The following CUL3 variants were observed in gnomAD, a reference collection of about 807,000 sequenced individuals.
CUL3 encodes cullin-3.
In CUL3, 19 loss-of-function variants were observed where a neutral mutation model predicts 89.1. The observed-to-expected ratio is 0.21, with a 90% CI of 0.15 to 0.31. The LOEUF (loss-of-function observed/expected upper bound fraction) is 0.31. Ranked by LOEUF, CUL3 falls within the 10% of genes least tolerant of loss-of-function variation. The probability of loss-of-function intolerance (pLI) is 1.00; values close to 1 mark genes in which losing one functional copy is unlikely to be tolerated. For missense variants in CUL3, 469 were observed against 942.3 expected, an observed-to-expected ratio of 0.50 and a Z score of 6.58; for synonymous variants, 351 against 308.4, an observed-to-expected ratio of 1.14 and a Z score of -1.45.
chr2:224,505,143 T>G (rs973534904), intron 8 of CUL3, among the ~76,000 whole-genome samples: 2 of 151,666 alleles, frequency 1.3e-5, no homozygotes, highest in African/African-American at 4.8e-5. Context: ...GTTCAGTTTT[T>G]TTTTTTTTTT....
At chr2:224,474,632 G>C in intron 15 of CUL3, 1 of 367,296 alleles carries the variant, frequency 2.7e-6, no homozygotes, top group East Asian at 4.8e-5. Context: ...ACAGTAGTGT[G>C]AGCATATGCC....
At chr2:224,497,592 A>G (rs370445178) in intron 12 of CUL3, among the ~76,000 whole-genome samples, 161 bp downstream of exon 12, 1 of 152,198 alleles carries the variant, frequency 6.6e-6, no homozygotes, top group South Asian at 2.1e-4. Context: ...CAACTGAGAG[A>G]ACAGAAGTAA....
intron 15 of CUL3, among the ~76,000 whole-genome samples, chr2:224,477,653 A>G (rs1056043318): frequency 6.6e-6 from 1 of 151,984 alleles, no homozygotes; most frequent in African/African-American, 2.4e-5. Context: ...ACCTCTATCT[A>G]CTCATTCAAG....
At chr2:224,526,264 G>A (rs1693468983) in intron 3 of CUL3, among the ~76,000 whole-genome samples, 1 of 152,206 alleles carries the variant, frequency 6.6e-6, no homozygotes, top group South Asian at 2.1e-4. Flanking sequence ...ATGTATACAA[G>A]TTCATTCCCT....
chr2:224,483,042 AG>A, intron 13 of CUL3, among the ~76,000 whole-genome samples: 1 of 152,216 alleles, frequency 6.6e-6, no homozygotes, highest in Non-Finnish European at 1.5e-5. Flanking sequence ...ACTGTCAGGT[AG>A]GCAAGGATTC....
chr2:224,521,302 C>T (rs184404635), intron 3 of CUL3, among the ~76,000 whole-genome samples: 294 of 152,278 alleles, frequency 1.9e-3, no homozygotes, highest in African/African-American at 6.5e-3. Flanking sequence ...AATTCTAAAA[C>T]TAACCTTTGG....
intron 15 of CUL3, among the ~76,000 whole-genome samples, chr2:224,477,869 GC>G (rs1691381504): frequency 6.6e-6 from 1 of 152,198 alleles, no homozygotes. Flanking sequence ...TAAAATGAAA[GC>G]ATTTAATGAA....
At chr2:224,565,169 AAC>A (rs771458574) in intron 1 of CUL3, among the ~76,000 whole-genome samples, 9 of 152,200 alleles carry the variant, frequency 5.9e-5, no homozygotes, top group Non-Finnish European at 1.3e-4. Context: ...CAATAACATA[AAC>A]AGTCTATTAA....
At chr2:224,493,227 A>C (rs2106174035) in intron 13 of CUL3, among the ~76,000 whole-genome samples, 1 of 152,330 alleles carries the variant, frequency 6.6e-6, no homozygotes, top group South Asian at 2.1e-4. Context: ...ACAATACACC[A>C]TCTTACTGAA....
chr2:224,561,937 A>T (rs1231553783), intron 1 of CUL3, among the ~76,000 whole-genome samples: 1 of 152,214 alleles, frequency 6.6e-6, no homozygotes, highest in Non-Finnish European at 1.5e-5. Flanking sequence ...AATTTCAAAA[A>T]AGAGAAAAGT....
chr2:224,577,351 G>A (rs933825036), intron 1 of CUL3, among the ~76,000 whole-genome samples: 41 of 152,134 alleles, frequency 2.7e-4, no homozygotes, highest in African/African-American at 9.4e-4. Context: ...GACGGATCAC[G>A]AGGTCAGGAG....
At chr2:224,548,048 T>C (rs576209371) in intron 2 of CUL3, among the ~76,000 whole-genome samples, 10 of 152,188 alleles carry the variant, frequency 6.6e-5, no homozygotes, top group Non-Finnish European at 1.3e-4. Flanking sequence ...AAAAGATAAA[T>C]GGTGAGGAAT....
Position 224,542,212 on chromosome 2 carries a change from C to A in CUL3, c.265-6571G>T, listed in dbSNP as rs1316982480. ...GAGTATATCAACCTTATGAACCACT[C>A]TGCAACAATTCAAACTTGACCACTA... is the stretch of plus-strand genomic sequence containing the variant. On this transcript the variant is annotated intron_variant, in intron 2 of 15. Transcript: ENST00000264414. 2.0e-5 allele frequency among the ~76,000 whole-genome samples: 3 copies of A among 152,212 alleles called. No homozygotes were observed. In the East Asian group the frequency reaches 5.8e-4, roughly 29 times the overall value.
intron 1 of CUL3, among the ~76,000 whole-genome samples, chr2:224,573,213 C>G (rs1430130184): frequency 2.0e-5 from 3 of 152,238 alleles, no homozygotes; most frequent in East Asian, 1.9e-4. Flanking sequence ...AATCAAAAAT[C>G]AAAGTATTTT....
intron 1 of CUL3, among the ~76,000 whole-genome samples, chr2:224,560,086 AAAG>A (rs983894058): frequency 1.5e-4 from 23 of 152,238 alleles, no homozygotes; most frequent in African/African-American, 3.4e-4. Context: ...CTGTCTCAAA[AAAG>A]AAGAAGAAAA....
chr2:224,527,036 A>G (rs1316532508), intron 3 of CUL3, among the ~76,000 whole-genome samples: 2 of 152,218 alleles, frequency 1.3e-5, no homozygotes, highest in Non-Finnish European at 2.9e-5. Context: ...ACTTCTAACT[A>G]TAAAAAGATG....
intron 2 of CUL3, among the ~76,000 whole-genome samples, chr2:224,550,314 AT>A (rs1467592243): frequency 6.6e-6 from 1 of 152,226 alleles, no homozygotes; most frequent in Non-Finnish European, 1.5e-5. Context: ...TGTCTGTGAA[AT>A]AAAGTTTTGG....
chr2:224,515,634 C>A (rs985664708), intron 3 of CUL3, among the ~76,000 whole-genome samples: 1 of 152,156 alleles, frequency 6.6e-6, no homozygotes, highest in African/African-American at 2.4e-5. Context: ...ATAAGGTGAA[C>A]ATGAACAGAG....
At chr2:224,541,574 C>T (rs971362223) in intron 2 of CUL3, among the ~76,000 whole-genome samples, 1 of 152,114 alleles carries the variant, frequency 6.6e-6, no homozygotes, top group Non-Finnish European at 1.5e-5. Flanking sequence ...ATGTATTTAA[C>T]AGAGAAATGA....
Sources: gnomAD v4.1 joint callset for allele counts (sites outside exome capture counted in the v4.1 genomes callset) on GRCh38, gnomAD v4.1.1 for gene constraint, MANE v1.5 for transcripts, NCBI Gene and HGNC (gene_info 2026-07-23, HGNC 2026-07-21) for gene names.